The following HECW1 variants were observed in gnomAD, a reference collection of about 807,000 sequenced individuals.
HECW1 encodes E3 ubiquitin-protein ligase HECW1.
HECW1 carries 61 observed loss-of-function variants against 182.3 expected under a neutral mutation model. The observed-to-expected ratio is 0.33, with a 90% CI of 0.27 to 0.41. The LOEUF is 0.41. HECW1 is among the 10% of genes least tolerant of loss of function. The pLI, the probability that HECW1 is intolerant of heterozygous loss-of-function variation, is 1.00. For synonymous variants in HECW1, 859 were observed against 832.6 expected, an observed-to-expected ratio of 1.03 and a Z score of -0.55; for missense variants, 1,739 against 2,108.9, an observed-to-expected ratio of 0.82 and a Z score of 3.44.
At chr7:43,489,463 A>G (rs1270143038) in intron 17 of HECW1, among the ~76,000 whole-genome samples, 1 of 152,172 alleles carries the variant, frequency 6.6e-6, no homozygotes, top group African/African-American at 2.4e-5. Context: ...TTGCTTTGTA[A>G]ACATTTGAGA....
At chr7:43,220,970 A>G (rs1024095013) in intron 2 of HECW1, among the ~76,000 whole-genome samples, 3 of 152,214 alleles carry the variant, frequency 2.0e-5, no homozygotes, top group Non-Finnish European at 4.4e-5. Context: ...ATGCATATTC[A>G]TGATCATGAC....
At chr7:43,317,359 T>C (rs1809456097) in intron 4 of HECW1, among the ~76,000 whole-genome samples, 1 of 152,232 alleles carries the variant, frequency 6.6e-6, no homozygotes, top group African/African-American at 2.4e-5. Context: ...GTGACTGTAC[T>C]GAGTTTTCAT....
chr7:43,434,267 A>C (rs541728367), intron 8 of HECW1, among the ~76,000 whole-genome samples: 1 of 152,356 alleles, frequency 6.6e-6, no homozygotes, highest in South Asian at 2.1e-4. Flanking sequence ...AAGAAAGTTC[A>C]ATAACCAGAG....
chr7:43,165,357 A>G (rs1269776697), intron 2 of HECW1, among the ~76,000 whole-genome samples: 1 of 150,288 alleles, frequency 6.7e-6, no homozygotes, highest in Non-Finnish European at 1.5e-5. Flanking sequence ...GTTACATATC[A>G]TGAGGTTAGA....
At chr7:43,311,618 T>C (rs1472488218) in intron 3 of HECW1, 145 bp from the exon 4 acceptor site, 1 of 810,184 alleles carries the variant, frequency 1.2e-6, no homozygotes, top group Non-Finnish European at 2.2e-6. Context: ...ACGAGGAAGA[T>C]GCTCTATGCC....
At chr7:43,176,129 G>A (rs1038034620) in intron 2 of HECW1, among the ~76,000 whole-genome samples, 8 of 152,194 alleles carry the variant, frequency 5.3e-5, no homozygotes, top group African/African-American at 1.9e-4. Context: ...TGGCAAATAT[G>A]GGCAATTTAT....
chr7:43,294,437 G>A (rs1443447579), intron 3 of HECW1, among the ~76,000 whole-genome samples: 5 of 152,210 alleles, frequency 3.3e-5, no homozygotes, highest in Admixed American at 1.3e-4. Context: ...GAGAGGTGAA[G>A]TGACTCAGCC....
chr7:43,281,421 C>T (rs1803887681), intron 3 of HECW1, among the ~76,000 whole-genome samples: 1 of 152,216 alleles, frequency 6.6e-6, no homozygotes, highest in Non-Finnish European at 1.5e-5. Flanking sequence ...TTTCAAACAA[C>T]TTTATCGTGG....
intron 5 of HECW1, among the ~76,000 whole-genome samples, chr7:43,328,473 G>T (rs148454144): frequency 6.6e-6 from 1 of 152,306 alleles, no homozygotes; most frequent in Non-Finnish European, 1.5e-5. Context: ...TGTCTGAACT[G>T]CATGGGGCTG....
intron 24 of HECW1, among the ~76,000 whole-genome samples, chr7:43,534,217 T>C (rs2081092636): frequency 6.6e-6 from 1 of 152,190 alleles, no homozygotes. Context: ...GTCTTTTATT[T>C]TCTTGGCTTG....
intron 24 of HECW1, among the ~76,000 whole-genome samples, chr7:43,512,511 C>T (rs747468): frequency 0.035 from 5,280 of 152,256 alleles, 105 homozygotes; most frequent in South Asian, 0.1. Flanking sequence ...ATGTGTAAAA[C>T]GCTGATGAGC....
intron 8 of HECW1, among the ~76,000 whole-genome samples, chr7:43,437,038 G>T (rs1435986974): frequency 6.6e-6 from 1 of 152,048 alleles, no homozygotes; most frequent in Non-Finnish European, 1.5e-5. Context: ...GCTAACAAAT[G>T]AATACTTTAG....
intron 13 of HECW1, 64 bp from the exon 14 acceptor site, chr7:43,463,596 A>C (rs2077659720): frequency 6.8e-7 from 1 of 1,480,490 alleles, no homozygotes; most frequent in Non-Finnish European, 9.3e-7. Context: ...TATCTGATTC[A>C]GAGTTTTGGC....
intron 25 of HECW1, among the ~76,000 whole-genome samples, 180 bp downstream of exon 25, chr7:43,541,441 G>A (rs920821119): frequency 1.3e-5 from 2 of 152,166 alleles, no homozygotes; most frequent in African/African-American, 4.8e-5. Flanking sequence ...CAATAAAAAG[G>A]TATTTGGGGA....
chr7:43,352,021 C>T lies in HECW1; in HGVS notation c.461-8865C>T, dbSNP rs377000509. On this transcript the variant is annotated intron_variant, in intron 5 of 29. Coordinates refer to ENST00000395891, the MANE Select transcript of HECW1 (RefSeq NM_015052.5). ...ATTTTTAAGTTTTATCCCCTTAACC[C>T]GGCAAACCTGTCAAATATTCTTTTC... 6.6e-5 allele frequency among the ~76,000 whole-genome samples: 10 copies of T among 152,264 alleles called. No individual in the cohort carries two copies. The East Asian group carries it at 1.2e-3, about 18-fold the overall frequency.
chr7:43,434,236 C>G (rs1196982297), intron 8 of HECW1, among the ~76,000 whole-genome samples: 2 of 152,094 alleles, frequency 1.3e-5, no homozygotes, highest in African/African-American at 4.8e-5. Flanking sequence ...TAAGGGCCAG[C>G]TGAAATGAGT....
intron 6 of HECW1, among the ~76,000 whole-genome samples, chr7:43,392,287 C>T (rs2075059402): frequency 6.6e-6 from 1 of 152,048 alleles, no homozygotes. Context: ...TGAGAATAAT[C>T]GTGGGTATGT....
chr7:43,428,974 G>T (rs930809433), intron 8 of HECW1, among the ~76,000 whole-genome samples: 14 of 151,370 alleles, frequency 9.2e-5, no homozygotes, highest in African/African-American at 3.4e-4. Flanking sequence ...GTATATGTAT[G>T]TATACAAATA....
At chr7:43,278,383 C>T (rs1803444581) in intron 3 of HECW1, among the ~76,000 whole-genome samples, 1 of 152,118 alleles carries the variant, frequency 6.6e-6, no homozygotes. Flanking sequence ...CGTCTCTCGG[C>T]ACATCCGCAG....
Sources: gnomAD v4.1 joint callset for allele counts (sites outside exome capture counted in the v4.1 genomes callset) on GRCh38, gnomAD v4.1.1 for gene constraint, MANE v1.5 for transcripts, NCBI Gene and HGNC (gene_info 2026-07-23, HGNC 2026-07-21) for gene names.